The following ADGRL2 variants were observed in gnomAD, a reference collection of about 807,000 sequenced individuals.
The protein encoded by ADGRL2 is adhesion G protein-coupled receptor L2.
A neutral mutation model predicts 157.4 loss-of-function variants in ADGRL2; 44 were observed. The ratio of observed to expected loss-of-function variants is 0.28; its 90% CI spans 0.22 to 0.36. The LOEUF is 0.36. Ranked by LOEUF, ADGRL2 falls within the 10% of genes least tolerant of loss-of-function variation. The pLI is 1.00. For synonymous variants in ADGRL2, 585 were observed against 624.7 expected (o/e 0.94, Z 0.95); for missense variants, 1,510 against 1,768.9 (o/e 0.85, Z 2.63).
intron 1 of ADGRL2, among the ~76,000 whole-genome samples, chr1:81,713,015 C>T (rs1217711550): frequency 1.3e-5 from 2 of 152,034 alleles, no homozygotes; most frequent in African/African-American, 4.8e-5. Flanking sequence ...ATCTTGGCCT[C>T]CCAAAGTGCT....
At chr1:81,663,763 T>A (rs1208379683) in intron 3 of ADGRL2, among the ~76,000 whole-genome samples, 2 of 152,206 alleles carry the variant, frequency 1.3e-5, no homozygotes, top group Non-Finnish European at 2.9e-5. Flanking sequence ...CATTTGCTGG[T>A]CATGCTAATC....
At chr1:81,511,953 A>C (rs2079087112) in intron 2 of ADGRL2, among the ~76,000 whole-genome samples, 1 of 152,154 alleles carries the variant, frequency 6.6e-6, no homozygotes, top group Admixed American at 6.5e-5. Flanking sequence ...ATAATGGAAT[A>C]ATTTATTCCA....
intron 1 of ADGRL2, among the ~76,000 whole-genome samples, chr1:81,434,335 G>T (rs536372911): frequency 3.4e-4 from 51 of 151,914 alleles, no homozygotes; most frequent in South Asian, 3.3e-3. Context: ...TTATTTTCTG[G>T]GTACTTATTC....
intron 11 of ADGRL2, among the ~76,000 whole-genome samples, chr1:81,961,301 A>AT (rs1480517134): frequency 3.3e-5 from 5 of 152,124 alleles, no homozygotes; most frequent in Admixed American, 6.6e-5. Flanking sequence ...TTTGCTTCAG[A>AT]TTTTTTTGGA....
chr1:81,884,047 A>G lies in ADGRL2; in HGVS notation c.74-22970A>G, dbSNP rs2094061234. 2.0e-5 allele frequency among the ~76,000 whole-genome samples: 3 copies of G among 150,532 alleles called. 1 individual carries two copies. In the South Asian group the frequency reaches 6.3e-4, roughly 31 times the overall value. On this transcript the variant is annotated intron_variant, in intron 2 of 23. Transcript: ENST00000686636. ...TACTTTGTCACCCAGTCTAGAGTGC[A>G]GTGGTTTGGTTCCCTTCAGCCTTGA...
chr1:81,378,177 CAAAA>C (rs71088208), intron 1 of ADGRL2, among the ~76,000 whole-genome samples: 417 of 146,194 alleles, frequency 2.9e-3, no homozygotes, highest in African/African-American at 9.3e-3. Context: ...GACTCTGTCT[CAAAA>C]AAAAAAAAAA....
chr1:81,705,983 G>A (rs2083721341), intron 1 of ADGRL2, among the ~76,000 whole-genome samples: 1 of 152,054 alleles, frequency 6.6e-6, no homozygotes, highest in African/African-American at 2.4e-5. Context: ...GGCCAAGGCG[G>A]GCGGATCACG....
intron 2 of ADGRL2, among the ~76,000 whole-genome samples, chr1:81,764,684 C>T (rs1282913948): frequency 6.6e-6 from 1 of 151,934 alleles, no homozygotes; most frequent in Non-Finnish European, 1.5e-5. Context: ...ATTGAGGGAC[C>T]AAGATTAGCT....
At chr1:81,958,066 C>T (rs984354234) in intron 11 of ADGRL2, among the ~76,000 whole-genome samples, 1 of 151,892 alleles carries the variant, frequency 6.6e-6, no homozygotes, top group African/African-American at 2.4e-5. Flanking sequence ...TCCCAGCCTG[C>T]CCAACATAGC....
chr1:81,451,614 A>G (rs1466904021), intron 2 of ADGRL2, among the ~76,000 whole-genome samples: 1 of 152,146 alleles, frequency 6.6e-6, no homozygotes, highest in Non-Finnish European at 1.5e-5. Context: ...GGTTTCACTC[A>G]GTTCCTTAGA....
At chr1:81,392,474 C>T (rs1358457245) in intron 1 of ADGRL2, among the ~76,000 whole-genome samples, 1 of 151,942 alleles carries the variant, frequency 6.6e-6, no homozygotes, top group Non-Finnish European at 1.5e-5. Context: ...ACAAAGGAGC[C>T]AGCTTGACAG....
At chr1:81,701,763 C>A (rs2083582049) in intron 1 of ADGRL2, among the ~76,000 whole-genome samples, 3 of 152,218 alleles carry the variant, frequency 2.0e-5, no homozygotes, top group Non-Finnish European at 4.4e-5. Flanking sequence ...TTATGGAGCA[C>A]CCATTTCTGT....
chr1:81,951,941 C>A lies in ADGRL2; in HGVS notation c.1609-16C>A. The A allele has an allele frequency of 6.3e-7, 1 of 1,581,226 alleles. No individual in the cohort carries two copies. The highest frequency in any genetic ancestry group is 1.2e-5 in the South Asian group (1 of 86,172). ...AAAAAAAAATTTAAATGAGATAATA[C>A]AAATTGTTTTTTCAGATCAGAAGCG... On this transcript the variant is annotated splice_polypyrimidine_tract_variant and intron_variant, in intron 8 of 23. Transcript: ENST00000686636.
At chr1:81,315,136 A>G (rs576737087) in intron 1 of ADGRL2, among the ~76,000 whole-genome samples, 1 of 152,324 alleles carries the variant, frequency 6.6e-6, no homozygotes, top group African/African-American at 2.4e-5. Context: ...ATAATTTTGC[A>G]TCAGAGTGTC....
chr1:81,636,909 C>T (rs1271107042), intron 3 of ADGRL2, among the ~76,000 whole-genome samples: 1 of 152,190 alleles, frequency 6.6e-6, no homozygotes, highest in Non-Finnish European at 1.5e-5. Context: ...GATCTTAGCT[C>T]ACTGCAAGCT....
rs1441283966 is a variant in ADGRL2 at position 81,993,087 on chromosome 1, A to ATATATAT, written c.*1943_*1944insATATATT. 6.8e-5 allele frequency among the ~76,000 whole-genome samples: 2 copies of ATATATAT among 29,200 alleles called. No individual in the cohort carries two copies. Among genetic ancestry groups the ATATATAT allele is most frequent in the African/African-American group, 1.7e-4 (1 of 5,762 alleles). 19.2% of individuals were successfully genotyped at this position (29,200 alleles called of 152,430 possible). A position where few individuals can be genotyped will look rare whatever the true frequency, so the allele number is the denominator to read the frequency against. ...TATATATATATATATATATATATAT[A>ATATATAT]TTTTTTTTTTTTTTTTTTTTTTTTT... On this transcript the variant is annotated 3_prime_UTR_variant, in exon 24 of 24. Coordinates refer to ENST00000686636, the MANE Select transcript of ADGRL2 (RefSeq NM_001366006.2).
chr1:81,747,197 ATG>A (rs2085318624), intron 1 of ADGRL2, among the ~76,000 whole-genome samples: 1 of 135,502 alleles, frequency 7.4e-6, no homozygotes, highest in South Asian at 2.4e-4. Context: ...GTGTGTATGC[ATG>A]TATATATATG....
At position 81,847,263 on chromosome 1, in the gene ADGRL2, T is replaced by A. The variant is rs186270953; in HGVS notation, c.73+10206T>A. 4.1e-3 allele frequency among the ~76,000 whole-genome samples: 630 copies of A among 152,052 alleles called. 2 individuals carry two copies. The highest frequency in any genetic ancestry group is 6.2e-3 in the Non-Finnish European group (422 of 67,904). The stretch of plus-strand genomic sequence containing the variant: ...CCTCAAAAGTTAATGTGCATATAAA[T>A]CACTCAGGGATCTTGTTAAAATGTA... On this transcript the variant is annotated intron_variant, in intron 2 of 23. Transcript: ENST00000686636.
At chr1:81,769,508 C>T (rs551112493) in intron 2 of ADGRL2, among the ~76,000 whole-genome samples, 163 of 152,020 alleles carry the variant, frequency 1.1e-3, no homozygotes, top group African/African-American at 3.9e-3. Context: ...AATATATAAC[C>T]TAATTTGTGG....
Sources: gnomAD v4.1 joint callset for allele counts (sites outside exome capture counted in the v4.1 genomes callset) on GRCh38, gnomAD v4.1.1 for gene constraint, MANE v1.5 for transcripts, NCBI Gene and HGNC (gene_info 2026-07-23, HGNC 2026-07-21) for gene names.